ATP9B: variants seen among roughly 807,000 people sequenced by gnomAD.
ATP9B encodes the protein ATPase phospholipid transporting 9B, also known as probable phospholipid-transporting ATPase IIB.
Under a neutral mutation model 146.1 loss-of-function variants are expected in ATP9B, and 110 were observed. The observed-to-expected ratio is 0.75, with a 90% CI of 0.65 to 0.88. The LOEUF (loss-of-function observed/expected upper bound fraction) is 0.88, where lower values mean the gene tolerates loss of function less well. Ranked by LOEUF, ATP9B falls within the 40% of genes least tolerant of loss-of-function variation. The pLI, the probability that ATP9B is intolerant of heterozygous loss-of-function variation, is 0.00. For synonymous variants in ATP9B, 604 were observed against 569.7 expected, an observed-to-expected ratio of 1.06 and a Z score of -0.86; for missense variants, 1,499 against 1,496.4, an observed-to-expected ratio of 1.00 and a Z score of -0.03.
At chr18:79,189,377 C>A (rs1262056659) in intron 8 of ATP9B, among the ~76,000 whole-genome samples, 1 of 151,916 alleles carries the variant, frequency 6.6e-6, no homozygotes, top group African/African-American at 2.4e-5. Flanking sequence ...CTTGAATAGA[C>A]CTGTTTCCCC....
intron 1 of ATP9B, chr18:79,085,583 A>G (rs1475223244): frequency 2.0e-5 from 3 of 152,212 alleles, no homozygotes; most frequent in Non-Finnish European, 4.4e-5. Context: ...CTGGGTGAAA[A>G]TAAGGTATTT....
At position 79,277,547 on chromosome 18, in the gene ATP9B, A is replaced by G. The variant is rs559616063; in HGVS notation, c.1411+351A>G. On this transcript the variant is annotated intron_variant, in intron 13 of 29. Transcript: ENST00000426216. ...AAGAGCAAGAATTCCATGTTTGTTTATTATAGAATGATACTTGTGAGCTAT... is the reference window on the plus strand; with the variant it reads ...AAGAGCAAGAATTCCATGTTTGTTTGTTATAGAATGATACTTGTGAGCTAT... 3.0e-4 allele frequency among the ~76,000 whole-genome samples: 45 copies of G among 152,212 alleles called. No homozygotes were observed. In the Middle Eastern group the frequency reaches 0.01, roughly 35 times the overall value.
Position 79,208,072 on chromosome 18 carries a change from C to A in ATP9B, c.1030+1060C>A, listed in dbSNP as rs539690412. ...CATCCTGGCTAACACTGTGAAACCCCGTCTCTACTAAAAATACAAAAAATT... is the reference window on the plus strand; with the variant it reads ...CATCCTGGCTAACACTGTGAAACCCAGTCTCTACTAAAAATACAAAAAATT... On this transcript the variant is annotated intron_variant, in intron 10 of 29. Coordinates refer to ENST00000426216, the MANE Select transcript of ATP9B (RefSeq NM_198531.5). 1.4e-3 allele frequency among the ~76,000 whole-genome samples: 218 copies of A among 152,090 alleles called. 1 individual carries two copies. The highest frequency in any genetic ancestry group is 5.1e-3 in the African/African-American group (210 of 41,474).
chr18:79,200,727 G>GTCGGGGTCAGAGCAGAGGCGGAGGTGGGC, intron 9 of ATP9B, among the ~76,000 whole-genome samples: 2 of 45,540 alleles, frequency 4.4e-5, no homozygotes, highest in African/African-American at 1.5e-4. Context: ...TGGAGGTGGG[G>GTCGGGGTCAGAGCAGAGGCGGAGGTGGGC]ACTGTCGGGG....
At chr18:79,346,250 GCA>G (rs905642143) in intron 23 of ATP9B, among the ~76,000 whole-genome samples, 2 of 150,310 alleles carry the variant, frequency 1.3e-5, no homozygotes, top group African/African-American at 2.5e-5. Context: ...CGCACAGTCA[GCA>G]CACACGGCAC....
chr18:79,370,157 A>G (rs896243398), intron 26 of ATP9B, among the ~76,000 whole-genome samples: 2 of 152,254 alleles, frequency 1.3e-5, no homozygotes, highest in African/African-American at 4.8e-5. Context: ...AATTTTTGGT[A>G]TGATAGAAAT....
intron 1 of ATP9B, among the ~76,000 whole-genome samples, chr18:79,072,534 C>CTG (rs2071985907): frequency 6.6e-6 from 1 of 152,116 alleles, no homozygotes; most frequent in African/African-American, 2.4e-5. Flanking sequence ...AAAATGGAGT[C>CTG]TCCTATGTCT....
At chr18:79,368,906 T>C (rs2097051756) in intron 26 of ATP9B, among the ~76,000 whole-genome samples, 1 of 151,946 alleles carries the variant, frequency 6.6e-6, no homozygotes, top group Non-Finnish European at 1.5e-5. Context: ...CCAGCTTCCC[T>C]TCCTGCCAAG....
intron 1 of ATP9B, chr18:79,085,096 A>C (rs968514541): frequency 1.3e-5 from 2 of 152,228 alleles, no homozygotes; most frequent in African/African-American, 4.8e-5. Flanking sequence ...GGCCTCAGGA[A>C]GTACACAATC....
At chr18:79,096,432 A>G (rs1315738832) in intron 1 of ATP9B, 44 bp from the exon 2 acceptor site, 13 of 1,557,606 alleles carry the variant, frequency 8.3e-6, no homozygotes, top group Non-Finnish European at 1.1e-5. Context: ...ACTGTAAAGA[A>G]GACTGCTTGG....
intron 2 of ATP9B, among the ~76,000 whole-genome samples, chr18:79,099,224 C>G (rs1033937314): frequency 2.7e-5 from 4 of 150,484 alleles, no homozygotes; most frequent in Admixed American, 6.6e-5. Context: ...TTTCTTTTTT[C>G]TTTCTTTTCT....
chr18:79,376,292 A>C, intron 29 of ATP9B: 1 of 985,204 alleles, frequency 1.0e-6, no homozygotes, highest in Non-Finnish European at 1.2e-6. Flanking sequence ...TCTCTTCCCT[A>C]AGCACCACAA....
intron 6 of ATP9B, among the ~76,000 whole-genome samples, chr18:79,152,172 C>A (rs1447381473): frequency 6.6e-6 from 1 of 152,184 alleles, no homozygotes; most frequent in Non-Finnish European, 1.5e-5. Context: ...AGTCAGGAAA[C>A]AACAGATGCT....
chr18:79,237,407 G>A (rs2095851894), intron 11 of ATP9B, among the ~76,000 whole-genome samples: 2 of 152,276 alleles, frequency 1.3e-5, no homozygotes, highest in Non-Finnish European at 2.9e-5. Context: ...GTCTGTGCAT[G>A]AGTCAGTGTC....
chr18:79,171,458 G>A (rs1463146505), intron 7 of ATP9B, among the ~76,000 whole-genome samples: 1 of 152,134 alleles, frequency 6.6e-6, no homozygotes, highest in African/African-American at 2.4e-5. Flanking sequence ...CTTATTCCTA[G>A]AGTGAACAAC....
intron 12 of ATP9B, among the ~76,000 whole-genome samples, chr18:79,267,417 A>G (rs917099355): frequency 1.3e-5 from 2 of 151,812 alleles, no homozygotes; most frequent in Non-Finnish European, 2.9e-5. Context: ...TATTTCATTA[A>G]TGTTTTCTTA....
rs1222251295 is a variant in ATP9B at position 79,342,223 on chromosome 18, G to A, written c.2284-45G>A. 17 of 1,430,758 alleles carry A rather than the reference G, an allele frequency of 1.2e-5. No homozygotes were observed. The East Asian group carries it at 1.4e-4, about 12-fold the overall frequency. 88.6% of individuals were successfully genotyped at this position (1,430,758 alleles called of 1,614,324 possible). On this transcript the variant is annotated intron_variant, in intron 19 of 29. Transcript: ENST00000426216. ...ATTATGTGAGACATCAGAAATGAACGTGTCCTTGTCTTGTTGAAATTCACC... is the reference window on the plus strand; with the variant it reads ...ATTATGTGAGACATCAGAAATGAACATGTCCTTGTCTTGTTGAAATTCACC...
chr18:79,106,047 T>G (rs2075630764), intron 2 of ATP9B, among the ~76,000 whole-genome samples: 1 of 152,220 alleles, frequency 6.6e-6, no homozygotes, highest in Admixed American at 6.5e-5. Context: ...TTTAATGTTA[T>G]GATTTGATTA....
At chr18:79,244,987 A>G (rs2095929082) in intron 11 of ATP9B, among the ~76,000 whole-genome samples, 1 of 152,196 alleles carries the variant, frequency 6.6e-6, no homozygotes, top group Non-Finnish European at 1.5e-5. Flanking sequence ...TTGGGGCAAG[A>G]AGTATTTGAG....
Sources: gnomAD v4.1 joint callset for allele counts (sites outside exome capture counted in the v4.1 genomes callset) on GRCh38, gnomAD v4.1.1 for gene constraint, MANE v1.5 for transcripts, NCBI Gene and HGNC (gene_info 2026-07-23, HGNC 2026-07-21) for gene names.